The following RANBP2 variants were observed in gnomAD, a reference collection of about 807,000 sequenced individuals.
The protein encoded by RANBP2 is RAN binding protein 2.
RANBP2 carries 57 observed loss-of-function variants against 303.6 expected under a neutral mutation model. The observed-to-expected ratio is 0.19, with a 90% CI of 0.15 to 0.23. The LOEUF (loss-of-function observed/expected upper bound fraction) is 0.23, where lower values mean the gene tolerates loss of function less well. Ranked by LOEUF, RANBP2 falls within the 10% of genes least tolerant of loss-of-function variation. The pLI is 1.00. For synonymous variants in RANBP2, 1,167 were observed against 1,301.5 expected, an observed-to-expected ratio of 0.90 and a Z score of 2.23; for missense variants, 3,138 against 3,780.8, an observed-to-expected ratio of 0.83 and a Z score of 4.46.
the RANBP2 span, among the ~76,000 whole-genome samples, chr2:109,247,448 G>T: frequency 1.1e-4 from 17 of 152,330 alleles, 1 homozygote; most frequent in East Asian, 3.3e-3. Context: ...GCTCCTGACC[G>T]TTCCTCTGAG....
At chr2:108,821,606 A>T in the RANBP2 span, among the ~76,000 whole-genome samples, 1 of 152,190 alleles carries the variant, frequency 6.6e-6, no homozygotes, top group Non-Finnish European at 1.5e-5. Flanking sequence ...GGAGGGACAA[A>T]AAAGCTACAA....
At chr2:109,767,157 T>C in the RANBP2 span, among the ~76,000 whole-genome samples, 1 of 140,770 alleles carries the variant, frequency 7.1e-6, no homozygotes, top group Admixed American at 7.7e-5. Flanking sequence ...ATGCCAAATG[T>C]AGCTCTTCTA....
At chr2:109,372,708 T>C in the RANBP2 span, among the ~76,000 whole-genome samples, 1 of 152,114 alleles carries the variant, frequency 6.6e-6, no homozygotes, top group African/African-American at 2.4e-5. Context: ...ACTCTCCTGC[T>C]CTCACACCAT....
intron 20 of RANBP2, among the ~76,000 whole-genome samples, 184 bp from the exon 21 acceptor site, chr2:108,771,517 C>T (rs1677493799): frequency 6.6e-6 from 1 of 152,048 alleles, no homozygotes. Flanking sequence ...TTTGGTAGAA[C>T]ACTAAATCAG....
the RANBP2 span, among the ~76,000 whole-genome samples, chr2:108,806,633 G>C: frequency 1.3e-5 from 2 of 152,114 alleles, no homozygotes; most frequent in Non-Finnish European, 2.9e-5. Flanking sequence ...AATAAGTAAC[G>C]AGCGTGGCTG....
At chr2:109,720,468 C>T in the RANBP2 span, among the ~76,000 whole-genome samples, 1 of 152,258 alleles carries the variant, frequency 6.6e-6, no homozygotes, top group African/African-American at 2.4e-5. Context: ...AACCAAATCT[C>T]TTTCACAGGT....
chr2:109,419,101 C>A, the RANBP2 span, among the ~76,000 whole-genome samples: 1 of 152,360 alleles, frequency 6.6e-6, no homozygotes, highest in African/African-American at 2.4e-5. Flanking sequence ...TGTCTGCTGT[C>A]ATGGGACCAA....
chr2:108,983,987 G>C, the RANBP2 span, among the ~76,000 whole-genome samples: 14 of 152,340 alleles, frequency 9.2e-5, no homozygotes, highest in African/African-American at 2.9e-4. Context: ...GGGCTGCAAG[G>C]GGGGCGACGG....
the RANBP2 span, among the ~76,000 whole-genome samples, chr2:109,411,299 A>G: frequency 1.1e-4 from 17 of 152,308 alleles, no homozygotes; most frequent in East Asian, 1.5e-3. Flanking sequence ...GGAGTTCCCA[A>G]TTACAGTCAT....
chr2:109,347,202 C>T, the RANBP2 span, among the ~76,000 whole-genome samples: 1 of 152,174 alleles, frequency 6.6e-6, no homozygotes, highest in Non-Finnish European at 1.5e-5. Flanking sequence ...AGACTAAAAT[C>T]CCTGAGAAAT....
rs750550832 is a variant in RANBP2, at chr2:108,785,095, C to G, written c.*1194C>G. The G allele has an allele frequency of 6.6e-6, 1 of 152,094 alleles. No homozygotes were observed. Among genetic ancestry groups the G allele is most frequent in the African/African-American group, 2.4e-5 (1 of 41,408 alleles). 9.4% of individuals were successfully genotyped at this position (152,094 alleles called of 1,614,324 possible). On this transcript the variant is annotated 3_prime_UTR_variant, in exon 29 of 29. Coordinates refer to ENST00000283195, the MANE Select transcript of RANBP2 (RefSeq NM_006267.5). ...TGTCTTCCACCCATCTGTGTTCTTTCGGGTGAAATTACCTCATTTTATTTA... is the reference window on the plus strand; with the variant it reads ...TGTCTTCCACCCATCTGTGTTCTTTGGGGTGAAATTACCTCATTTTATTTA...
chr2:109,219,593 T>C, the RANBP2 span, among the ~76,000 whole-genome samples: 1 of 152,160 alleles, frequency 6.6e-6, no homozygotes, highest in African/African-American at 2.4e-5. Context: ...AGTAAATGAA[T>C]TCGGCAAAGT....
At chr2:108,963,356 T>C in the RANBP2 span, among the ~76,000 whole-genome samples, 1 of 152,182 alleles carries the variant, frequency 6.6e-6, no homozygotes, top group Non-Finnish European at 1.5e-5. Flanking sequence ...AATCTGTTTC[T>C]AGGATGCCTA....
chr2:109,679,058 G>A, the RANBP2 span, among the ~76,000 whole-genome samples: 1 of 152,224 alleles, frequency 6.6e-6, no homozygotes, highest in African/African-American at 2.4e-5. Context: ...TCTCTAACAA[G>A]TGTGTTTCCT....
the RANBP2 span, among the ~76,000 whole-genome samples, chr2:108,956,981 G>C: frequency 1.3e-5 from 2 of 152,142 alleles, no homozygotes; most frequent in Admixed American, 1.3e-4. Flanking sequence ...GTAGAGACGG[G>C]GTTTCTCCAC....
At chr2:108,913,062 T>C in the RANBP2 span, among the ~76,000 whole-genome samples, 3 of 151,688 alleles carry the variant, frequency 2.0e-5, no homozygotes, top group East Asian at 1.9e-4. Flanking sequence ...CATTCTCCTG[T>C]CTCAGCCTCC....
At chr2:109,110,536 G>C in the RANBP2 span, among the ~76,000 whole-genome samples, 23 of 152,172 alleles carry the variant, frequency 1.5e-4, no homozygotes, top group Admixed American at 1.5e-3. Context: ...AACTGAGGGA[G>C]ACATCCTTCC....
the RANBP2 span, among the ~76,000 whole-genome samples, chr2:108,981,892 G>A: frequency 1.3e-5 from 2 of 152,186 alleles, no homozygotes; most frequent in African/African-American, 4.8e-5. Context: ...AGACGGAAAC[G>A]CTAAGGAAGC....
the RANBP2 span, among the ~76,000 whole-genome samples, chr2:108,997,843 A>G: frequency 1.3e-5 from 2 of 152,162 alleles, no homozygotes; most frequent in African/African-American, 4.8e-5. Context: ...GTGAGCCGAG[A>G]TCGCGCCACT....
Sources: gnomAD v4.1 joint callset for allele counts (sites outside exome capture counted in the v4.1 genomes callset) on GRCh38, gnomAD v4.1.1 for gene constraint, MANE v1.5 for transcripts, NCBI Gene and HGNC (gene_info 2026-07-23, HGNC 2026-07-21) for gene names.